Variants in NXPE1 observed in about 807,000 individuals in gnomAD.
NXPE1 encodes the protein neurexophilin and PC-esterase domain family member 1, also known as NXPE family member 1.
NXPE1 carries 31 observed loss-of-function variants against 33.3 expected under a neutral mutation model. The observed-to-expected ratio is 0.93, with a 90% CI of 0.70 to 1.26. The LOEUF (loss-of-function observed/expected upper bound fraction) is 1.26, where lower values mean the gene tolerates loss of function less well. NXPE1 is among the 50% of genes most tolerant of loss of function. The pLI, the probability that NXPE1 is intolerant of heterozygous loss-of-function variation, is 0.00. For synonymous variants in NXPE1, 229 were observed against 231.4 expected (o/e 0.99, Z 0.09); for missense variants, 661 against 655.6 (o/e 1.01, Z -0.09).
exon 6 of NXPE1, chr11:114,530,459 G>A (rs144525360): frequency 1.2e-6 from 2 of 1,614,214 alleles, no homozygotes; most frequent in Non-Finnish European, 1.7e-6. Flanking sequence ...CACTGGGGTG[G>A]ATGAGCAGCA....
At chr11:114,536,146 C>G (rs1446613109) in intron 5 of NXPE1, among the ~76,000 whole-genome samples, 1 of 152,142 alleles carries the variant, frequency 6.6e-6, no homozygotes, top group Admixed American at 6.5e-5. Flanking sequence ...AACCCCTCAA[C>G]TACATGGAAA....
intron 1 of NXPE1, chr11:114,553,814 C>T (rs1231180575): frequency 2.1e-6 from 2 of 971,026 alleles, no homozygotes; most frequent in Admixed American, 6.2e-5. Flanking sequence ...CCTATTCATG[C>T]ACATTTCTTT....
chr11:114,556,421 A>C (rs995547330), intron 1 of NXPE1, among the ~76,000 whole-genome samples: 1 of 152,142 alleles, frequency 6.6e-6, no homozygotes, highest in Non-Finnish European at 1.5e-5. Context: ...ATTTGAGAGT[A>C]GATTTCAGGG....
At chr11:114,532,952 G>A (rs11215037) in intron 5 of NXPE1, among the ~76,000 whole-genome samples, 50,274 of 151,928 alleles carry the variant, frequency 0.33, 8,770 homozygotes, top group East Asian at 0.66. Flanking sequence ...AAAAGGATTT[G>A]ATGTATTTCA....
intron 7 of NXPE1, among the ~76,000 whole-genome samples, chr11:114,523,596 G>A (rs1947281886): frequency 6.6e-6 from 1 of 152,074 alleles, no homozygotes; most frequent in African/African-American, 2.4e-5. Flanking sequence ...ACAATTTTTT[G>A]TAAAACCAGA....
downstream of NXPE1, among the ~76,000 whole-genome samples, chr11:114,521,438 C>T (rs1947208863): frequency 6.6e-6 from 1 of 152,128 alleles, no homozygotes; most frequent in Admixed American, 6.6e-5. Context: ...TTCCATTTGT[C>T]TTTGATTATT....
rs1406187764 is a variant in NXPE1, at chr11:114,548,566, G to A, written c.99+2537C>T. Among the ~76,000 whole-genome samples, 63 of 151,858 alleles carry A rather than the reference G, an allele frequency of 4.1e-4. 1 individual carries two copies. Among genetic ancestry groups the A allele is most frequent in the Admixed American group, 4.1e-3 (63 of 15,244 alleles). ...TTAAAAATGTTTCTAAACAACTCGT[G>A]ACTCAAAGAAAAATATAAATAAAAT... On this transcript the variant is annotated intron_variant, in intron 5 of 8. Coordinates refer to ENST00000534921, the Ensembl canonical transcript of NXPE1.
intron 5 of NXPE1, among the ~76,000 whole-genome samples, chr11:114,542,564 TGGG>T (rs1948136319): frequency 6.6e-6 from 1 of 152,030 alleles, no homozygotes; most frequent in South Asian, 2.1e-4. Flanking sequence ...AAAAAATTGG[TGGG>T]GGAGTGGGGA....
At chr11:114,545,154 A>C (rs891112668) in intron 5 of NXPE1, among the ~76,000 whole-genome samples, 3 of 152,224 alleles carry the variant, frequency 2.0e-5, no homozygotes, top group Non-Finnish European at 4.4e-5. Flanking sequence ...AGACACTTTG[A>C]TAATATCTTA....
intron 5 of NXPE1, among the ~76,000 whole-genome samples, chr11:114,533,696 G>C (rs559523110): frequency 8.7e-4 from 133 of 152,326 alleles, no homozygotes; most frequent in Non-Finnish European, 1.2e-3. Flanking sequence ...TGCTAGCACA[G>C]CAATCTGAGA....
At chr11:114,519,563 C>T (rs576915259), downstream of NXPE1, among the ~76,000 whole-genome samples, 38 of 152,084 alleles carry the variant, frequency 2.5e-4, no homozygotes, top group African/African-American at 8.0e-4. Context: ...TATTCTTTCC[C>T]GGGGTGTCAG....
chr11:114,544,349 C>T (rs1215859671), intron 5 of NXPE1, among the ~76,000 whole-genome samples: 2 of 152,278 alleles, frequency 1.3e-5, no homozygotes, highest in African/African-American at 2.4e-5. Context: ...CTGCCGTTAT[C>T]AAGACAATGC....
chr11:114,553,307 C>T (rs545542665), intron 1 of NXPE1, among the ~76,000 whole-genome samples: 32 of 152,298 alleles, frequency 2.1e-4, no homozygotes, highest in Non-Finnish European at 4.0e-4. Flanking sequence ...GAGAGTCCCT[C>T]ATTCGAGAGG....
At position 114,554,104 on chromosome 11, in the gene NXPE1, C is replaced by G. The variant is rs1343022113; in HGVS notation, c.-210-1224G>C. On this transcript the variant is annotated intron_variant, in intron 1 of 8. Coordinates refer to ENST00000534921, the Ensembl canonical transcript of NXPE1. ...TGGCCACTATCTGACTCACTTGTCTCCTCTCCTTATGCTTCTATATGGTCA... is the reference window on the plus strand; with the variant it reads ...TGGCCACTATCTGACTCACTTGTCTGCTCTCCTTATGCTTCTATATGGTCA... The G allele has an allele frequency of 4.1e-6, 4 of 985,328 alleles. No homozygotes were observed. In the African/African-American group the frequency reaches 7.0e-5, roughly 17 times the overall value. The allele number at this position is 985,328 out of a possible 1,614,324, so 61.0% of individuals were successfully genotyped here.
At chr11:114,533,104 AC>A (rs1947645834) in intron 5 of NXPE1, among the ~76,000 whole-genome samples, 1 of 152,192 alleles carries the variant, frequency 6.6e-6, no homozygotes, top group Non-Finnish European at 1.5e-5. Flanking sequence ...AAACAAACAA[AC>A]AAAAATCCAA....
chr11:114,527,669 T>C (rs999993697), intron 7 of NXPE1, among the ~76,000 whole-genome samples, 171 bp downstream of exon 7: 1 of 152,224 alleles, frequency 6.6e-6, no homozygotes, highest in Non-Finnish European at 1.5e-5. Context: ...TAATCTCCTA[T>C]AAACATTTTG....
intron 4 of NXPE1, 53 bp downstream of exon 4, chr11:114,551,330 G>A (rs10790022): frequency 1.7e-5 from 23 of 1,379,936 alleles, no homozygotes; most frequent in Non-Finnish European, 1.9e-5. Flanking sequence ...GTGAGTCACT[G>A]TCTTCTTTCC....
intron 5 of NXPE1, among the ~76,000 whole-genome samples, chr11:114,531,452 A>C (rs1947580431): frequency 6.6e-6 from 1 of 152,144 alleles, no homozygotes; most frequent in Non-Finnish European, 1.5e-5. Context: ...GGCTTCAAGG[A>C]AGACAGTCCT....
At chr11:114,540,885 T>TTTTTTTTTTTTTTTTTTTG (rs754802719) in intron 5 of NXPE1, among the ~76,000 whole-genome samples, 1 of 81,242 alleles carries the variant, frequency 1.2e-5, no homozygotes, top group Non-Finnish European at 2.5e-5. Flanking sequence ...TTTTTTTTTT[T>TTTTTTTTTTTTTTTTTTTG]GGCTTGAACA....
Sources: gnomAD v4.1 joint callset for allele counts (sites outside exome capture counted in the v4.1 genomes callset) on GRCh38, gnomAD v4.1.1 for gene constraint, MANE v1.5 for transcripts, NCBI Gene and HGNC (gene_info 2026-07-23, HGNC 2026-07-21) for gene names.